The following GLIS3 variants were observed in gnomAD, a reference collection of about 807,000 sequenced individuals.
GLIS3 encodes GLIS family zinc finger 3.
In GLIS3, 53 loss-of-function variants were observed where a neutral mutation model predicts 78.6. The observed-to-expected ratio is 0.67, with a 90% CI of 0.54 to 0.85. The LOEUF (loss-of-function observed/expected upper bound fraction) is 0.85, where lower values mean the gene tolerates loss of function less well. GLIS3 is among the 40% of genes least tolerant of loss of function. The probability of loss-of-function intolerance (pLI) is 0.00; values close to 1 mark genes in which losing one functional copy is unlikely to be tolerated. For missense variants in GLIS3, 1,703 were observed against 1,231.1 expected (o/e 1.38, Z -5.74); for synonymous variants, 684 against 509.9 (o/e 1.34, Z -4.60).
intron 4 of GLIS3, among the ~76,000 whole-genome samples, chr9:3,960,399 A>C (rs923454067): frequency 1.3e-5 from 2 of 152,144 alleles, no homozygotes; most frequent in African/African-American, 4.8e-5. Context: ...TAGCAAACTA[A>C]TTCATCTGCC....
At chr9:3,947,755 G>A (rs1816398295) in intron 4 of GLIS3, among the ~76,000 whole-genome samples, 1 of 152,182 alleles carries the variant, frequency 6.6e-6, no homozygotes, top group African/African-American at 2.4e-5. Context: ...ATGCAAGTGG[G>A]CAGGAAAGAT....
intron 4 of GLIS3, among the ~76,000 whole-genome samples, chr9:4,025,586 C>T: frequency 6.6e-6 from 1 of 152,070 alleles, no homozygotes; most frequent in East Asian, 1.9e-4. Flanking sequence ...CGGGGTTTCA[C>T]CATGTTTGCC....
intron 4 of GLIS3, among the ~76,000 whole-genome samples, chr9:3,948,573 C>T (rs551038513): frequency 9.8e-5 from 15 of 152,316 alleles, no homozygotes; most frequent in Admixed American, 3.3e-4. Flanking sequence ...TCCACCCCCT[C>T]TCTCTGGAAC....
At chr9:3,864,269 T>G (rs1192743599) in intron 8 of GLIS3, among the ~76,000 whole-genome samples, 1 of 152,200 alleles carries the variant, frequency 6.6e-6, no homozygotes, top group African/African-American at 2.4e-5. Flanking sequence ...GTGTCAGACA[T>G]AGCGTTCAAT....
At chr9:4,051,316 G>T (rs973732025) in intron 4 of GLIS3, among the ~76,000 whole-genome samples, 1 of 152,186 alleles carries the variant, frequency 6.6e-6, no homozygotes, top group East Asian at 1.9e-4. Flanking sequence ...TGGCAGGGGC[G>T]GGGATAGGGG....
chr9:4,311,134 C>T (rs1004033600), intron 2 of GLIS3, among the ~76,000 whole-genome samples: 1 of 152,178 alleles, frequency 6.6e-6, no homozygotes, highest in Non-Finnish European at 1.5e-5. Flanking sequence ...TTTGGCCAGG[C>T]GCGGTGGCTG....
chr9:4,233,873 ACTTGCTG>A (rs1563800735), intron 2 of GLIS3, among the ~76,000 whole-genome samples: 1 of 152,196 alleles, frequency 6.6e-6, no homozygotes, highest in Non-Finnish European at 1.5e-5. Flanking sequence ...CTCCTGGAGA[ACTTGCTG>A]CAGCTCCTAC....
rs1588336388 is a variant in GLIS3 at position 3,966,640 on chromosome 9, C to G, written c.1711-29451G>C. Among the ~76,000 whole-genome samples the G allele has an allele frequency of 2.0e-5, 3 of 151,660 alleles. No individual in the cohort carries two copies. In the East Asian group the frequency reaches 5.8e-4, roughly 29 times the overall value. ...TGAAACCCTGTCTCTACTAAAACTA[C>G]AAAATTAGCCAGGCATGGTGGCGCA... On this transcript the variant is annotated intron_variant, in intron 4 of 10. Coordinates refer to ENST00000381971, the MANE Select transcript of GLIS3 (RefSeq NM_001042413.2).
the GLIS3 span, among the ~76,000 whole-genome samples, chr9:4,373,957 C>T: frequency 3.3e-5 from 5 of 152,060 alleles, no homozygotes; most frequent in East Asian, 1.9e-4. Context: ...TGAGCCACCG[C>T]GCCTGGCCGA....
chr9:4,102,620 G>T (rs896006276), intron 4 of GLIS3, among the ~76,000 whole-genome samples: 1 of 152,112 alleles, frequency 6.6e-6, no homozygotes, highest in Admixed American at 6.6e-5. Context: ...CAAAAACCCA[G>T]TCCAAATGTC....
chr9:4,253,269 C>G (rs1163428387), intron 2 of GLIS3, among the ~76,000 whole-genome samples: 3 of 152,240 alleles, frequency 2.0e-5, no homozygotes, highest in African/African-American at 7.2e-5. Flanking sequence ...TATCTACAAG[C>G]CCCTGACTGG....
intron 7 of GLIS3, among the ~76,000 whole-genome samples, chr9:3,894,948 A>G (rs1822718066): frequency 3.3e-5 from 5 of 152,140 alleles, no homozygotes; most frequent in Admixed American, 3.3e-4. Context: ...TGATGTCTTC[A>G]TGGCTTAGGT....
the GLIS3 span, among the ~76,000 whole-genome samples, chr9:4,383,869 T>C: frequency 1.3e-5 from 2 of 152,222 alleles, no homozygotes; most frequent in Non-Finnish European, 2.9e-5. Flanking sequence ...CTCCAGTAGT[T>C]GAAATGGGCT....
intron 2 of GLIS3, among the ~76,000 whole-genome samples, chr9:4,148,931 T>A (rs1232456922): frequency 2.0e-5 from 3 of 152,040 alleles, no homozygotes; most frequent in Admixed American, 6.5e-5. Context: ...ACAAAGCTCG[T>A]CCCTATCAAC....
At chr9:4,050,618 A>T (rs1484374905) in intron 4 of GLIS3, among the ~76,000 whole-genome samples, 3 of 152,168 alleles carry the variant, frequency 2.0e-5, no homozygotes, top group Admixed American at 6.5e-5. Flanking sequence ...AAGTAATTTT[A>T]AAAAAATCTT....
At chr9:3,881,870 G>T (rs573361448) in intron 7 of GLIS3, among the ~76,000 whole-genome samples, 1 of 152,180 alleles carries the variant, frequency 6.6e-6, no homozygotes, top group Non-Finnish European at 1.5e-5. Context: ...AGTGTTAAAA[G>T]CACTTTAATG....
chr9:4,433,083 C>T, the GLIS3 span, among the ~76,000 whole-genome samples: 1 of 152,110 alleles, frequency 6.6e-6, no homozygotes. Context: ...ACCAACATGC[C>T]CAGAAAATAC....
chr9:3,856,046 T>A lies in GLIS3; in HGVS notation c.2436A>T (p.Thr812=). 1 of 1,614,186 alleles carries A rather than the reference T, an allele frequency of 6.2e-7. No homozygotes were observed. Residue 812 remains threonine, a synonymous_variant, in exon 9 of 11, where the codon ACA becomes ACT. Transcript: ENST00000381971. ...TACCATTTGGTTGAAAAGAAGAGTT[T>A]GTTTCTGGCTGATAGGACTTCAGGT... The part of the protein sequence containing the change: ...GSHLKSYQPE[T]NSSFQPNGIH...
At chr9:3,990,459 T>A (rs682613) in intron 4 of GLIS3, among the ~76,000 whole-genome samples, 7 of 152,002 alleles carry the variant, frequency 4.6e-5, no homozygotes, top group Admixed American at 6.6e-5. Flanking sequence ...ACCAGTAGCA[T>A]TGATCAGTGA....
Sources: gnomAD v4.1 joint callset for allele counts (sites outside exome capture counted in the v4.1 genomes callset) on GRCh38, gnomAD v4.1.1 for gene constraint, MANE v1.5 for transcripts, NCBI Gene and HGNC (gene_info 2026-07-23, HGNC 2026-07-21) for gene names.